Variants in KLRG2 observed in about 807,000 individuals in gnomAD.
KLRG2 encodes the protein killer cell lectin-like receptor subfamily G member 2.
KLRG2 carries 39 observed loss-of-function variants against 35.4 expected under a neutral mutation model. The ratio of observed to expected loss-of-function variants is 1.10; its 90% CI spans 0.85 to 1.44. KLRG2 has a LOEUF of 1.44. Among genes scored for constraint, KLRG2 ranks in the 40% most tolerant of loss-of-function variants. KLRG2 has a pLI of 0.00. For missense variants in KLRG2, 632 were observed against 570.9 expected (o/e 1.11, Z -1.09); for synonymous variants, 283 against 265.8 (o/e 1.06, Z -0.63).
At chr7:139,475,245 T>C (rs1293562737) in intron 3 of KLRG2, among the ~76,000 whole-genome samples, 1 of 152,082 alleles carries the variant, frequency 6.6e-6, no homozygotes, top group Non-Finnish European at 1.5e-5. Flanking sequence ...TGAGAACTTG[T>C]CCCAGGCTGG....
intron 3 of KLRG2, among the ~76,000 whole-genome samples, chr7:139,469,173 T>C (rs1796715753): frequency 6.6e-6 from 1 of 152,214 alleles, no homozygotes; most frequent in Non-Finnish European, 1.5e-5. Flanking sequence ...TATTTACTTA[T>C]TTTTTTGAGA....
At chr7:139,480,745 C>CA (rs1796944192) in intron 1 of KLRG2, among the ~76,000 whole-genome samples, 1 of 112,956 alleles carries the variant, frequency 8.9e-6, no homozygotes, top group Admixed American at 9.7e-5. Flanking sequence ...GCGTCTGGCC[C>CA]TTTTTTTTTT....
rs1402187270 is a variant in KLRG2 at position 139,483,245 on chromosome 7, A to G, written c.398T>C (p.Val133Ala). 6.5e-7 allele frequency: 1 copy of G among 1,549,716 alleles called. No homozygotes were observed. Among genetic ancestry groups the G allele is most frequent in the Non-Finnish European group, 8.6e-7 (1 of 1,159,118 alleles). ...CGTGCTGCTGCCACCGGCCGCGCCC[A>G]CGGGCTTCACGCGCACATCTACCTG... ...ELQVDVRVKP[V>A]GAAGGSSTPS... The change falls in exon 1 of 5, where the codon GTG becomes GCG. Residue 133 changes from valine to alanine, a missense_variant. Coordinates refer to ENST00000340940, the MANE Select transcript of KLRG2 (RefSeq NM_198508.4).
At chr7:139,429,663 C>T in the KLRG2 span, among the ~76,000 whole-genome samples, 13 of 152,198 alleles carry the variant, frequency 8.5e-5, no homozygotes, top group Non-Finnish European at 1.9e-4. Flanking sequence ...GGACACAGCA[C>T]ATGTTTCAGA....
chr7:139,467,524 C>CT, intron 3 of KLRG2, among the ~76,000 whole-genome samples: 1 of 152,238 alleles, frequency 6.6e-6, no homozygotes, highest in South Asian at 2.1e-4. Flanking sequence ...TGCTGTTAAT[C>CT]TATGACCTTA....
At position 139,453,503 on chromosome 7, in the gene KLRG2, A is replaced by C; in HGVS notation, c.*84T>G. The C allele has an allele frequency of 1.4e-6, 2 of 1,438,432 alleles. No homozygotes were observed. The highest frequency in any genetic ancestry group is 1.9e-6 in the Non-Finnish European group (2 of 1,060,296). The allele number at this position is 1,438,432 out of a possible 1,614,324, so 89.1% of individuals were successfully genotyped here. ...AAGACCTGGATAACTGGGTCCAGGA[A>C]GAGGCTGCCCAAGCTCTCAACTGGC... On this transcript the variant is annotated 3_prime_UTR_variant, in exon 5 of 5. Transcript: ENST00000340940.
In KLRG2 at chr7:139,483,598, T is replaced by G; in HGVS notation, c.45A>C (p.Ala15=). ...TTCCCACGGGCTCCATTGGGAGCTC[T>G]GCCCCGGCTTGGCCTCCGGGCGCAG... is the stretch of plus-strand genomic sequence containing the variant. ...WEAAPGGQAG[A]ELPMEPVGSL... The change falls in exon 1 of 5, where the codon GCA becomes GCC. Residue 15 remains alanine (A), a synonymous_variant. Coordinates refer to ENST00000340940, the MANE Select transcript of KLRG2 (RefSeq NM_198508.4). 1 of 1,588,734 alleles carries G rather than the reference T, an allele frequency of 6.3e-7. No homozygotes were observed. The highest frequency in any genetic ancestry group is 8.5e-7 in the Non-Finnish European group (1 of 1,175,394).
intron 3 of KLRG2, among the ~76,000 whole-genome samples, chr7:139,465,707 G>A (rs10249423): frequency 0.13 from 18,910 of 143,236 alleles, 1,671 homozygotes; most frequent in African/African-American, 0.23. Flanking sequence ...AAAAAAAAAA[G>A]AAAGAAAGAA....
downstream of KLRG2, among the ~76,000 whole-genome samples, chr7:139,450,968 A>G (rs989176593): frequency 1.3e-5 from 2 of 152,278 alleles, no homozygotes; most frequent in Middle Eastern, 3.4e-3. Flanking sequence ...TCCATCTGCC[A>G]TGCTATGAGG....
chr7:139,430,273 A>G, the KLRG2 span, among the ~76,000 whole-genome samples: 4 of 152,112 alleles, frequency 2.6e-5, no homozygotes, highest in Admixed American at 2.0e-4. Flanking sequence ...GTGGTGGTGC[A>G]TGCCTGTAAT....
intron 1 of KLRG2, among the ~76,000 whole-genome samples, chr7:139,480,917 T>TCC (rs1796948987): frequency 6.6e-6 from 1 of 151,940 alleles, no homozygotes; most frequent in African/African-American, 2.4e-5. Flanking sequence ...CTAATTTTCA[T>TCC]ATCTTTAGTA....
At chr7:139,481,985 A>G (rs1156617060) in intron 1 of KLRG2, among the ~76,000 whole-genome samples, 2 of 152,054 alleles carry the variant, frequency 1.3e-5, no homozygotes, top group Non-Finnish European at 2.9e-5. Flanking sequence ...TCTTGCCCCA[A>G]ATTCACCAAC....
chr7:139,454,714 G>C (rs975962259), intron 3 of KLRG2, among the ~76,000 whole-genome samples: 6 of 151,796 alleles, frequency 4.0e-5, no homozygotes, highest in African/African-American at 1.2e-4. Flanking sequence ...TACTTGGGAG[G>C]CTGAAACAGG....
intron 3 of KLRG2, among the ~76,000 whole-genome samples, chr7:139,457,450 AC>A (rs961293168): frequency 1.2e-4 from 19 of 152,152 alleles, no homozygotes; most frequent in Non-Finnish European, 5.9e-5. Flanking sequence ...TAGACAAGTT[AC>A]CCAACCTTTC....
intron 3 of KLRG2, among the ~76,000 whole-genome samples, chr7:139,467,380 A>G (rs1013857819): frequency 4.6e-5 from 7 of 152,206 alleles, no homozygotes; most frequent in African/African-American, 1.4e-4. Flanking sequence ...AAGAACCACA[A>G]AAGAAGTGAA....
At chr7:139,462,251 C>A (rs1021996468) in intron 3 of KLRG2, among the ~76,000 whole-genome samples, 1 of 152,182 alleles carries the variant, frequency 6.6e-6, no homozygotes, top group Admixed American at 6.5e-5. Context: ...TCAGAGGTGT[C>A]TGATCACACA....
intron 3 of KLRG2, among the ~76,000 whole-genome samples, chr7:139,471,598 T>C (rs1241594224): frequency 1.3e-5 from 2 of 152,066 alleles, no homozygotes; most frequent in South Asian, 2.1e-4. Context: ...GAGATGGTGG[T>C]TGCAGTGAGC....
chr7:139,459,518 A>G (rs1399677793), intron 3 of KLRG2, among the ~76,000 whole-genome samples: 1 of 152,158 alleles, frequency 6.6e-6, no homozygotes, highest in Admixed American at 6.6e-5. Context: ...CGTTTGGTAC[A>G]GGAGCCTGGG....
intron 3 of KLRG2, among the ~76,000 whole-genome samples, chr7:139,465,362 T>C (rs188568372): frequency 3.0e-4 from 45 of 152,258 alleles, no homozygotes; most frequent in African/African-American, 1.1e-3. Flanking sequence ...AATGCCTCTT[T>C]AATAAAAACT....
Sources: allele counts gnomAD v4.1 joint callset (sites outside exome capture counted in the v4.1 genomes callset), GRCh38; gene constraint gnomAD v4.1.1; transcripts MANE v1.5; gene names NCBI Gene and HGNC (gene_info 2026-07-23, HGNC 2026-07-21).